Variants in NRXN3 observed in about 807,000 individuals in gnomAD.
NRXN3 encodes the protein neurexin III.
A neutral mutation model predicts 137.6 loss-of-function variants in NRXN3; 32 were observed. That is an observed-to-expected ratio of 0.23 (90% CI 0.18 to 0.31). NRXN3 has a LOEUF of 0.31. Ranked by LOEUF, NRXN3 falls within the 10% of genes least tolerant of loss-of-function variation. The pLI is 1.00. For synonymous variants in NRXN3, 798 were observed against 784.5 expected (o/e 1.02, Z -0.29); for missense variants, 1,574 against 2,062.5 (o/e 0.76, Z 4.59).
intron 16 of NRXN3, among the ~76,000 whole-genome samples, chr14:79,512,534 C>T (rs1414880234): frequency 6.6e-6 from 1 of 152,116 alleles, no homozygotes; most frequent in Non-Finnish European, 1.5e-5. Context: ...GTTGAAGCCT[C>T]AATTCAAAAC....
At chr14:79,229,909 G>A (rs1489303655) in intron 15 of NRXN3, among the ~76,000 whole-genome samples, 1 of 152,096 alleles carries the variant, frequency 6.6e-6, no homozygotes, top group Non-Finnish European at 1.5e-5. Flanking sequence ...AGCATGCACA[G>A]GCTTCCTATC....
chr14:78,752,438 A>G (rs1012558210), intron 8 of NRXN3, among the ~76,000 whole-genome samples: 1 of 152,208 alleles, frequency 6.6e-6, no homozygotes, highest in Non-Finnish European at 1.5e-5. Flanking sequence ...TTGAAAGAGT[A>G]AAAGGAGAAT....
chr14:78,510,703 G>A (rs995944513), intron 4 of NRXN3, among the ~76,000 whole-genome samples: 1 of 152,136 alleles, frequency 6.6e-6, no homozygotes, highest in African/African-American at 2.4e-5. Context: ...GCCTTTAAGT[G>A]AATGTCAATC....
At chr14:79,385,523 T>C (rs1196123382) in intron 15 of NRXN3, among the ~76,000 whole-genome samples, 1 of 152,094 alleles carries the variant, frequency 6.6e-6, no homozygotes, top group African/African-American at 2.4e-5. Context: ...GCTAATGCAG[T>C]TTGCATATTT....
chr14:78,957,804 A>G (rs1301040628), intron 11 of NRXN3, among the ~76,000 whole-genome samples: 1 of 152,246 alleles, frequency 6.6e-6, no homozygotes, highest in African/African-American at 2.4e-5. Flanking sequence ...AAAACAGTGC[A>G]TGATACTTAG....
chr14:79,109,468 G>A (rs1348314031), intron 15 of NRXN3, among the ~76,000 whole-genome samples: 1 of 152,146 alleles, frequency 6.6e-6, no homozygotes, highest in Non-Finnish European at 1.5e-5. Context: ...TAAAAACTTG[G>A]CAAGGAATAA....
intron 16 of NRXN3, among the ~76,000 whole-genome samples, chr14:79,603,834 T>G (rs115177349): frequency 6.6e-6 from 1 of 152,180 alleles, no homozygotes; most frequent in Non-Finnish European, 1.5e-5. Context: ...CATACAAGTA[T>G]GCTGCAGAGG....
intron 15 of NRXN3, among the ~76,000 whole-genome samples, chr14:79,213,478 T>A (rs1009823571): frequency 1.2e-4 from 18 of 152,266 alleles, no homozygotes; most frequent in Admixed American, 2.0e-4. Flanking sequence ...TTTTAATACA[T>A]TGTATCACAA....
chr14:78,399,104 T>C (rs1166630680), intron 4 of NRXN3, among the ~76,000 whole-genome samples: 2 of 152,240 alleles, frequency 1.3e-5, no homozygotes, highest in Non-Finnish European at 2.9e-5. Flanking sequence ...TACCAATTTA[T>C]TCAATACTTA....
chr14:78,968,454 C>G (rs1380454393), intron 14 of NRXN3, 108 bp downstream of exon 14: 11 of 983,956 alleles, frequency 1.1e-5, no homozygotes, highest in Non-Finnish European at 1.6e-5. Flanking sequence ...CTGTCTCATT[C>G]TCATTTGCCA....
intron 16 of NRXN3, among the ~76,000 whole-genome samples, chr14:79,511,850 G>T (rs1245317752): frequency 6.6e-6 from 1 of 152,174 alleles, no homozygotes; most frequent in Non-Finnish European, 1.5e-5. Context: ...CTTTCTACAA[G>T]TTTGGAAAAT....
intron 15 of NRXN3, among the ~76,000 whole-genome samples, chr14:79,112,989 T>C (rs1229932785): frequency 1.3e-5 from 2 of 152,194 alleles, no homozygotes; most frequent in Non-Finnish European, 2.9e-5. Flanking sequence ...AATGGAGTGA[T>C]ACATGAGTTG....
chr14:79,754,464 T>C (rs2099010551), intron 19 of NRXN3, among the ~76,000 whole-genome samples: 1 of 141,130 alleles, frequency 7.1e-6, no homozygotes, highest in South Asian at 2.3e-4. Context: ...TCAATCCCCT[T>C]GATGGATACA....
rs199609069 is a variant in NRXN3 at position 79,828,651 on chromosome 14, CT to C, written c.4093+23476del. Among the ~76,000 whole-genome samples, 838 of 110,596 alleles carry C rather than the reference CT, an allele frequency of 7.6e-3. 8 individuals carry two copies. The highest frequency in any genetic ancestry group is 0.015 in the African/African-American group (423 of 28,146). The allele number at this position is 110,596 out of a possible 152,430, so 72.6% of individuals were successfully genotyped here. A position where few individuals can be genotyped will look rare whatever the true frequency, so the allele number is the denominator to read the frequency against. ...AAAAAAAAAAAAAAAGTAAAATTGTCTTTTTTTTTTTTTTTGCGTACCAAAT... is the reference window on the plus strand; with the variant it reads ...AAAAAAAAAAAAAAAGTAAAATTGTCTTTTTTTTTTTTTTGCGTACCAAAT... On this transcript the variant is annotated intron_variant, in intron 20 of 20. Transcript: ENST00000335750.
At chr14:78,553,184 T>C (rs1334972147) in intron 4 of NRXN3, among the ~76,000 whole-genome samples, 1 of 152,218 alleles carries the variant, frequency 6.6e-6, no homozygotes, top group Non-Finnish European at 1.5e-5. Context: ...CATGTCTGTA[T>C]CATTTACGCC....
chr14:79,787,181 T>G (rs947915129), intron 19 of NRXN3, among the ~76,000 whole-genome samples: 4 of 152,248 alleles, frequency 2.6e-5, no homozygotes, highest in Admixed American at 2.6e-4. Context: ...TATGGACTTT[T>G]ATGGACCACT....
chr14:79,051,899 T>C lies in NRXN3; in HGVS notation c.3262+63758T>C, dbSNP rs201204336. 7.9e-5 allele frequency among the ~76,000 whole-genome samples: 12 copies of C among 152,312 alleles called. No individual in the cohort carries two copies. The East Asian group carries it at 1.5e-3, about 20-fold the overall frequency. ...TCTTTTCCATCTCCCCTGGCTAAGA[T>C]GAACAAGTTTGCATTGGGCAAGTAG... On this transcript the variant is annotated intron_variant, in intron 15 of 20. Transcript: ENST00000335750.
At chr14:78,462,454 C>T (rs557456970) in intron 4 of NRXN3, among the ~76,000 whole-genome samples, 1 of 152,082 alleles carries the variant, frequency 6.6e-6, no homozygotes, top group South Asian at 2.1e-4. Context: ...TATGAGACAC[C>T]AGGAGTAATT....
chr14:78,659,207 A>G (rs1315220772), intron 6 of NRXN3, among the ~76,000 whole-genome samples: 1 of 152,216 alleles, frequency 6.6e-6, no homozygotes, highest in Non-Finnish European at 1.5e-5. Context: ...ATAGCCATCT[A>G]CAAGCTAAGA....
Sources: allele counts gnomAD v4.1 joint callset (sites outside exome capture counted in the v4.1 genomes callset), GRCh38; gene constraint gnomAD v4.1.1; transcripts MANE v1.5; gene names NCBI Gene and HGNC (gene_info 2026-07-23, HGNC 2026-07-21).